Variants in CCNY observed in about 807,000 individuals in gnomAD.
CCNY encodes cyclin-Y.
In CCNY, 19 loss-of-function variants were observed where a neutral mutation model predicts 42.8. The ratio of observed to expected loss-of-function variants is 0.44; its 90% CI spans 0.31 to 0.65. The LOEUF (loss-of-function observed/expected upper bound fraction) is 0.65. Ranked by LOEUF, CCNY falls within the 30% of genes least tolerant of loss-of-function variation. The pLI, the probability that CCNY is intolerant of heterozygous loss-of-function variation, is 0.07. For synonymous variants in CCNY, 165 were observed against 162.7 expected (o/e 1.01, Z -0.11); for missense variants, 370 against 437.3 (o/e 0.85, Z 1.37).
At chr10:35,249,676 C>T (rs1301458729) in intron 2 of CCNY, among the ~76,000 whole-genome samples, 2 of 152,218 alleles carry the variant, frequency 1.3e-5, no homozygotes, top group Non-Finnish European at 2.9e-5. Flanking sequence ...GATAGAATGG[C>T]TGACCTCTTC....
intron 2 of CCNY, among the ~76,000 whole-genome samples, chr10:35,492,648 C>T (rs558823366): frequency 3.3e-5 from 5 of 152,294 alleles, no homozygotes; most frequent in East Asian, 3.9e-4. Context: ...TTTCACATTC[C>T]GCAGTCTCTG....
intron 8 of CCNY, among the ~76,000 whole-genome samples, chr10:35,555,433 C>T (rs1841344264): frequency 6.6e-6 from 1 of 152,180 alleles, no homozygotes; most frequent in African/African-American, 2.4e-5. Context: ...AAATTCAAGT[C>T]AGTAAAACCC....
intron 3 of CCNY, among the ~76,000 whole-genome samples, chr10:35,326,156 G>GT (rs766507703): frequency 0.029 from 4,356 of 148,466 alleles, 83 homozygotes; most frequent in African/African-American, 0.045. Flanking sequence ...TGAGTTTTTT[G>GT]TTTTTTTTTT....
chr10:35,379,418 G>A (rs572763587), intron 1 of CCNY, among the ~76,000 whole-genome samples: 1 of 152,282 alleles, frequency 6.6e-6, no homozygotes, highest in East Asian at 1.9e-4. Context: ...GAAAACAGCA[G>A]TCAGATGTCA....
intron 1 of CCNY, among the ~76,000 whole-genome samples, chr10:35,365,750 G>A (rs555514867): frequency 3.9e-5 from 6 of 152,262 alleles, no homozygotes; most frequent in African/African-American, 1.4e-4. Flanking sequence ...TTATATTATG[G>A]CTATAAAAGG....
At chr10:35,541,016 T>C (rs1380182990) in intron 7 of CCNY, among the ~76,000 whole-genome samples, 1 of 152,146 alleles carries the variant, frequency 6.6e-6, no homozygotes, top group African/African-American at 2.4e-5. Context: ...TTCATTTCTT[T>C]CCACTTTAAT....
chr10:35,530,310 C>T lies in CCNY; in HGVS notation c.579+67C>T. 1.9e-6 allele frequency: 3 copies of T among 1,599,154 alleles called. No individual in the cohort carries two copies. The highest frequency in any genetic ancestry group is 2.6e-6 in the Non-Finnish European group (3 of 1,171,556). ...TGGTCCAGGGCCCGTTCCTGTTACTCAGCGGAGTGAGGTTGGAGCAGGGAA... is the reference window on the plus strand; with the variant it reads ...TGGTCCAGGGCCCGTTCCTGTTACTTAGCGGAGTGAGGTTGGAGCAGGGAA... On this transcript the variant is annotated intron_variant, in intron 7 of 9. Coordinates refer to ENST00000374704, the MANE Select transcript of CCNY (RefSeq NM_145012.6). This position sits in a 1 kb window ranked among gnomAD's most constrained non-coding sequence, Gnocchi z 4.3.
At chr10:35,447,264 G>A (rs777845442) in intron 1 of CCNY, among the ~76,000 whole-genome samples, 5 of 152,238 alleles carry the variant, frequency 3.3e-5, no homozygotes, top group Non-Finnish European at 7.3e-5. Context: ...GTGACAGAGC[G>A]AGACTCCATC....
At position 35,337,003 on chromosome 10, in the gene CCNY, C is replaced by T; in HGVS notation, c.-51C>T. On this transcript the variant is annotated 5_prime_UTR_variant, in exon 1 of 10. Transcript: ENST00000374704. ...GCCCCGCGTCCACCCGCGCCCCGCTCCCGGGGACTGGGAGAACAGGATAGC... is the reference window on the plus strand; with the variant it reads ...GCCCCGCGTCCACCCGCGCCCCGCTTCCGGGGACTGGGAGAACAGGATAGC... 1.5e-6 allele frequency: 2 copies of T among 1,360,484 alleles called. No homozygotes were observed. Among genetic ancestry groups the T allele is most frequent in the Non-Finnish European group, 1.9e-6 (2 of 1,037,034 alleles). 84.3% of individuals were successfully genotyped at this position (1,360,484 alleles called of 1,614,324 possible).
At chr10:35,291,741 T>C (rs1835416471) in intron 3 of CCNY, among the ~76,000 whole-genome samples, 1 of 152,096 alleles carries the variant, frequency 6.6e-6, no homozygotes, top group African/African-American at 2.4e-5. Flanking sequence ...TTCATCATGT[T>C]GGCCAGGCTG....
chr10:35,312,528 A>C (rs1277750097), intron 3 of CCNY, among the ~76,000 whole-genome samples: 5 of 151,756 alleles, frequency 3.3e-5, no homozygotes, highest in Non-Finnish European at 4.4e-5. Context: ...TTCCTGATCC[A>C]TGGGCTGTCT....
In CCNY at chr10:35,306,748, A is replaced by G. The variant is rs1008990204; in HGVS notation, c.-9+56122A>G. Among the ~76,000 whole-genome samples, 27 of 151,968 alleles carry G rather than the reference A, an allele frequency of 1.8e-4. 1 individual carries two copies. The highest frequency in any genetic ancestry group is 1.5e-5 in the Non-Finnish European group (1 of 68,008). ...TTTCCTCCTTCATTTTCTACATGAC[A>G]TAACAACCTTCAGGTAGCAAAACAT... On this transcript the variant is annotated intron_variant, in intron 3 of 11. Coordinates refer to the CCNY transcript ENST00000374706.
chr10:35,453,960 T>C (rs1242827620), intron 1 of CCNY, among the ~76,000 whole-genome samples: 1 of 152,164 alleles, frequency 6.6e-6, no homozygotes, highest in Admixed American at 6.5e-5. Context: ...TCATTCCATT[T>C]TTTAAAAAAG....
At chr10:35,276,164 C>T (rs1177096832) in intron 3 of CCNY, among the ~76,000 whole-genome samples, 1 of 152,168 alleles carries the variant, frequency 6.6e-6, no homozygotes, top group Non-Finnish European at 1.5e-5. Context: ...GCAGTGGCTA[C>T]CTTTAGCCTC....
rs112751342 is a variant in CCNY at position 35,436,939 on chromosome 10, T to C, written c.155-46465T>C. Among the ~76,000 whole-genome samples, 1,113 of 152,326 alleles carry C rather than the reference T, an allele frequency of 7.3e-3. 16 individuals carry two copies. Among genetic ancestry groups the C allele is most frequent in the African/African-American group, 0.026 (1,070 of 41,556 alleles). ...AATTTATAAAGAAAAAGAGGTTTAA[T>C]GGACTCACAGTTCCACATGGCTGGA... On this transcript the variant is annotated intron_variant, in intron 1 of 9. Coordinates refer to ENST00000374704, the MANE Select transcript of CCNY (RefSeq NM_145012.6).
intron 2 of CCNY, among the ~76,000 whole-genome samples, chr10:35,495,471 C>T (rs1351871471): frequency 6.6e-6 from 1 of 152,224 alleles, no homozygotes; most frequent in Non-Finnish European, 1.5e-5. Flanking sequence ...CTATTCTCTT[C>T]CCTGGAATTT....
intron 7 of CCNY, among the ~76,000 whole-genome samples, chr10:35,532,230 G>A (rs1840784218): frequency 1.3e-5 from 2 of 152,232 alleles, no homozygotes. Context: ...TTGTAGGATT[G>A]TTCTTCCCTC....
chr10:35,557,234 C>G lies in CCNY; in HGVS notation c.746+4049C>G, dbSNP rs115353162. Among the ~76,000 whole-genome samples, 510 of 152,244 alleles carry G rather than the reference C, an allele frequency of 3.3e-3. 4 individuals are homozygous for G. Among genetic ancestry groups the G allele is most frequent in the African/African-American group, 0.012 (480 of 41,546 alleles). ...ATATACCAGAGTAATATGAAACTCA[C>G]AGTTACCCATTTTCTTAGAGGTGAA... On this transcript the variant is annotated intron_variant, in intron 8 of 9. Transcript: ENST00000374704.
At chr10:35,358,082 T>C (rs1836598721) in intron 1 of CCNY, among the ~76,000 whole-genome samples, 1 of 152,216 alleles carries the variant, frequency 6.6e-6, no homozygotes, top group Non-Finnish European at 1.5e-5. Context: ...CATTTTTCTC[T>C]TGATTTGGAA....
Sources: gnomAD v4.1 joint callset for allele counts (sites outside exome capture counted in the v4.1 genomes callset) on GRCh38, gnomAD v4.1.1 for gene constraint, Gnocchi (gnomAD v3.1) non-coding constraint, MANE v1.5 for transcripts, NCBI Gene and HGNC (gene_info 2026-07-23, HGNC 2026-07-21) for gene names.